The following ADH6 variants were observed in gnomAD, a reference collection of about 807,000 sequenced individuals.
The protein encoded by ADH6 is alcohol dehydrogenase 6.
ADH6 carries 34 observed loss-of-function variants against 36.5 expected under a neutral mutation model. That is an observed-to-expected ratio of 0.93 (90% CI 0.71 to 1.24). ADH6 has a LOEUF of 1.24. ADH6 is among the 50% of genes most tolerant of loss of function. ADH6 has a pLI of 0.00. For synonymous variants in ADH6, 161 were observed against 155.5 expected, an observed-to-expected ratio of 1.04 and a Z score of -0.26; for missense variants, 440 against 447.0, an observed-to-expected ratio of 0.98 and a Z score of 0.14.
chr4:99,205,087 A>G (rs1351742542), intron 7 of ADH6, 24 bp from the exon 8 acceptor site: 1 of 1,547,572 alleles, frequency 6.5e-7, no homozygotes, highest in South Asian at 1.2e-5. Flanking sequence ...TTAATGATGA[A>G]TTTTACACAT....
In ADH6 at chr4:99,202,813, AAGAGC is replaced by A; in HGVS notation, c.*1401_*1405del. ...TGCCTTAGCTGCTGTCAGGAAATAG[AAGAGC>A]AGAGCAGAGTTGGGCATGGAGGCTC... On this transcript the variant is annotated 3_prime_UTR_variant, in exon 9 of 9. Transcript: ENST00000394899. The A allele has an allele frequency of 2.5e-6, 1 of 398,084 alleles. No homozygotes were observed. Among genetic ancestry groups the A allele is most frequent in the Non-Finnish European group, 4.4e-6 (1 of 225,648 alleles). The allele number at this position is 398,084 out of a possible 1,614,324, so 24.7% of individuals were successfully genotyped here. A position where few individuals can be genotyped will look rare whatever the true frequency, so the allele number is the denominator to read the frequency against.
chr4:99,217,581 T>C (rs1334978481), intron 1 of ADH6, among the ~76,000 whole-genome samples: 2 of 152,200 alleles, frequency 1.3e-5, no homozygotes, highest in Admixed American at 1.3e-4. Context: ...AGTACTCCAT[T>C]GTGTATATGT....
chr4:99,205,793 T>C (rs1417188955), intron 7 of ADH6, among the ~76,000 whole-genome samples: 1 of 152,150 alleles, frequency 6.6e-6, no homozygotes, highest in East Asian at 1.9e-4. Context: ...GGTGTAATTG[T>C]GCAAAGTATA....
intron 5 of ADH6, 32 bp from the exon 6 acceptor site, chr4:99,208,960 C>T (rs781571777): frequency 6.3e-7 from 1 of 1,585,424 alleles, no homozygotes; most frequent in South Asian, 1.2e-5. Context: ...ACTCAGAAAA[C>T]AAAAAGCAAA....
Position 99,204,231 on chromosome 4 carries a change from G to A in ADH6, c.1116C>T (p.Ile372=). The change falls in exon 9 of 9, where the codon ATC becomes ATT. Residue 372 remains isoleucine, a synonymous_variant. Transcript: ENST00000394899. Reference sequence around the variant, plus strand: ...TATTACATTGTACTTAAAGTAACAGGATACAGCGGATACTGAAAAAAAGAA... The same window carrying A: ...TATTACATTGTACTTAAAGTAACAGAATACAGCGGATACTGAAAAAAAGAA... The part of the protein sequence containing the change: ...LMKTGKCIRC[I]LLL 6.2e-7 allele frequency: 1 copy of A among 1,601,518 alleles called. No individual in the cohort carries two copies. The highest frequency in any genetic ancestry group is 8.5e-7 in the Non-Finnish European group (1 of 1,178,252).
intron 1 of ADH6, among the ~76,000 whole-genome samples, chr4:99,218,003 A>C (rs148498429): frequency 6.6e-6 from 1 of 152,084 alleles, no homozygotes; most frequent in East Asian, 1.9e-4. Context: ...TGTCACTATA[A>C]ATTCTCTTTC....
chr4:99,206,250 A>T (rs1431210168), intron 7 of ADH6, among the ~76,000 whole-genome samples: 1 of 152,148 alleles, frequency 6.6e-6, no homozygotes, highest in East Asian at 1.9e-4. Flanking sequence ...GGACTGTCCA[A>T]CACCTGTTAA....
rs2110548207 is a variant in ADH6, at chr4:99,210,112, A to G, written c.537T>C (p.Thr179=). ...KVCLISCGFS[T]GFGAAINTAK... The stretch of plus-strand genomic sequence containing the variant: ...CAGTATTGATTGCAGCACCAAACCC[A>G]GTGGAAAAGCCACAGCTAATTAGGC... Residue 179 remains threonine, a synonymous_variant, in exon 5 of 9, where the codon ACT becomes ACC. Transcript: ENST00000394899. 6.2e-7 allele frequency: 1 copy of G among 1,613,784 alleles called. No individual in the cohort carries two copies.
chr4:99,216,316 G>C, intron 1 of ADH6, 54 bp from the exon 2 acceptor site: 1 of 1,158,910 alleles, frequency 8.6e-7, no homozygotes, highest in Non-Finnish European at 1.2e-6. Context: ...TTGGGAGTTG[G>C]AAGATTGCTA....
At chr4:99,213,575 C>A in intron 3 of ADH6, 31 bp downstream of exon 3, 1 of 1,557,284 alleles carries the variant, frequency 6.4e-7, no homozygotes, top group Non-Finnish European at 8.7e-7. Flanking sequence ...CAAGTTGTTG[C>A]TGTTTCCTAT....
chr4:99,218,126 G>A (rs1731515340), intron 1 of ADH6, among the ~76,000 whole-genome samples: 1 of 152,180 alleles, frequency 6.6e-6, no homozygotes, highest in South Asian at 2.1e-4. Flanking sequence ...TTTGCTGTTT[G>A]AAGGTACTGG....
At chr4:99,217,204 T>G (rs1425931291) in intron 1 of ADH6, among the ~76,000 whole-genome samples, 1 of 150,724 alleles carries the variant, frequency 6.6e-6, no homozygotes, top group Non-Finnish European at 1.5e-5. Flanking sequence ...CCTGGCTAAT[T>G]TTTTTGTATT....
chr4:99,208,523 A>C, intron 6 of ADH6, 145 bp downstream of exon 6: 1 of 893,576 alleles, frequency 1.1e-6, no homozygotes, highest in South Asian at 1.8e-5. Context: ...GTAAGAGTAC[A>C]CAGACGGCAC....
rs1730899222 is a variant in ADH6 at position 99,202,725 on chromosome 4, G to T, written c.*1494C>A. On this transcript the variant is annotated 3_prime_UTR_variant, in exon 9 of 9. Transcript: ENST00000394899. ...TTCCGGGAAAACTTGGATTTCCCAA[G>T]ACCCGAAGACTCCTCCAAGTTCTCA... 1 of 398,136 alleles carries T rather than the reference G, an allele frequency of 2.5e-6. No homozygotes were observed. Among genetic ancestry groups the T allele is most frequent in the Non-Finnish European group, 4.4e-6 (1 of 225,720 alleles). The allele number at this position is 398,136 out of a possible 1,614,324, so 24.7% of individuals were successfully genotyped here. A position where few individuals can be genotyped will look rare whatever the true frequency, so the allele number is the denominator to read the frequency against.
chr4:99,209,490 G>A (rs181322262), intron 5 of ADH6, among the ~76,000 whole-genome samples: 253 of 152,172 alleles, frequency 1.7e-3, no homozygotes, highest in African/African-American at 5.8e-3. Flanking sequence ...AAATTCAACA[G>A]CACCTTTAGG....
chr4:99,207,643 C>T (rs1731083661), intron 6 of ADH6, 62 bp from the exon 7 acceptor site: 2 of 1,532,568 alleles, frequency 1.3e-6, no homozygotes, highest in East Asian at 4.6e-5. Context: ...ATTGAGCCTA[C>T]ATCTTAATTT....
chr4:99,216,620 G>A (rs958483020), intron 1 of ADH6, among the ~76,000 whole-genome samples: 2 of 152,064 alleles, frequency 1.3e-5, no homozygotes, highest in Non-Finnish European at 2.9e-5. Context: ...GTCGAGGCGG[G>A]CGGATCACAA....
intron 3 of ADH6, among the ~76,000 whole-genome samples, chr4:99,212,366 A>G (rs1451917933): frequency 1.3e-5 from 2 of 152,070 alleles, no homozygotes; most frequent in African/African-American, 4.8e-5. Flanking sequence ...TTTATCGTAA[A>G]TTGACAAATT....
At chr4:99,214,021 A>G (rs1166337692) in intron 2 of ADH6, among the ~76,000 whole-genome samples, 1 of 152,198 alleles carries the variant, frequency 6.6e-6, no homozygotes, top group East Asian at 1.9e-4. Context: ...TTGCAGTGTG[A>G]CTTGATGTCT....
Sources: allele counts gnomAD v4.1 joint callset (sites outside exome capture counted in the v4.1 genomes callset), GRCh38; gene constraint gnomAD v4.1.1; transcripts MANE v1.5; gene names NCBI Gene and HGNC (gene_info 2026-07-23, HGNC 2026-07-21).